PRMT3: variants seen among roughly 807,000 people sequenced by gnomAD.
PRMT3 encodes the protein protein arginine N-methyltransferase 3.
Under a neutral mutation model 71.9 loss-of-function variants are expected in PRMT3, and 62 were observed. The ratio of observed to expected loss-of-function variants is 0.86; its 90% CI spans 0.70 to 1.07. The LOEUF (loss-of-function observed/expected upper bound fraction) is 1.07, where lower values mean the gene tolerates loss of function less well. Among genes scored for constraint, PRMT3 ranks in the 50% least tolerant of loss-of-function variants. The pLI is 0.00. For synonymous variants in PRMT3, 213 were observed against 220.4 expected (o/e 0.97, Z 0.30); for missense variants, 663 against 643.0 (o/e 1.03, Z -0.34).
chr11:20,393,073 T>G (rs1308979925), intron 5 of PRMT3, 74 bp downstream of exon 5: 7 of 918,712 alleles, frequency 7.6e-6, no homozygotes, highest in Non-Finnish European at 1.0e-5. Context: ...AGGTAGAGTG[T>G]TTTAGGAAAA....
intron 13 of PRMT3, among the ~76,000 whole-genome samples, chr11:20,478,561 A>ATGAT (rs975885121): frequency 6.6e-6 from 1 of 152,014 alleles, no homozygotes; most frequent in African/African-American, 2.4e-5. Context: ...TACTTGATAA[A>ATGAT]TGATAGAGAT....
chr11:20,397,548 C>T, intron 6 of PRMT3, 29 bp from the exon 7 acceptor site: 1 of 1,611,864 alleles, frequency 6.2e-7, no homozygotes, highest in Non-Finnish European at 8.5e-7. Flanking sequence ...ATAAACCTGT[C>T]TCAAGGGTGT....
intron 15 of PRMT3, among the ~76,000 whole-genome samples, chr11:20,505,822 A>C (rs998383551): frequency 6.6e-6 from 1 of 151,660 alleles, no homozygotes. Flanking sequence ...AGTTACATCA[A>C]CTTACATATC....
At chr11:20,442,362 T>C (rs1200787626) in intron 10 of PRMT3, among the ~76,000 whole-genome samples, 1 of 152,094 alleles carries the variant, frequency 6.6e-6, no homozygotes, top group Non-Finnish European at 1.5e-5. Flanking sequence ...GTTTTAGTTA[T>C]GCAAAAAATT....
intron 10 of PRMT3, among the ~76,000 whole-genome samples, chr11:20,441,981 C>T (rs1432796566): frequency 4.6e-5 from 7 of 151,942 alleles, no homozygotes; most frequent in Non-Finnish European, 8.8e-5. Flanking sequence ...TTAGTAGAGA[C>T]GGGGTTTCGC....
chr11:20,421,573 A>C (rs77879719), intron 9 of PRMT3, among the ~76,000 whole-genome samples: 1 of 152,188 alleles, frequency 6.6e-6, no homozygotes, highest in Non-Finnish European at 1.5e-5. Flanking sequence ...GCAAAGAATA[A>C]GTCTCCAAAA....
chr11:20,435,843 G>A lies in PRMT3; in HGVS notation c.993+8978G>A, dbSNP rs573590589. On this transcript the variant is annotated intron_variant, in intron 10 of 15. Coordinates refer to ENST00000331079, the MANE Select transcript of PRMT3 (RefSeq NM_005788.4). ...TTTTGTGGTTTCATGCAAGTTTTAGGGTTGTTTATTTCTACGAAGAATGTC... is the reference window on the plus strand; with the variant it reads ...TTTTGTGGTTTCATGCAAGTTTTAGAGTTGTTTATTTCTACGAAGAATGTC... 3.3e-5 allele frequency among the ~76,000 whole-genome samples: 5 copies of A among 152,150 alleles called. No individual in the cohort carries two copies. In the East Asian group the frequency reaches 9.7e-4, roughly 29 times the overall value.
At chr11:20,422,693 A>T (rs1251771222) in intron 9 of PRMT3, among the ~76,000 whole-genome samples, 1 of 152,180 alleles carries the variant, frequency 6.6e-6, no homozygotes, top group Middle Eastern at 3.2e-3. Flanking sequence ...GACTAAAAAA[A>T]TTATTTAGGC....
At chr11:20,476,043 A>C (rs1850774403) in intron 13 of PRMT3, among the ~76,000 whole-genome samples, 1 of 152,044 alleles carries the variant, frequency 6.6e-6, no homozygotes, top group Admixed American at 6.6e-5. Context: ...TCTATAAAGC[A>C]GGCACATAAA....
chr11:20,507,943 C>T (rs1365733936), intron 15 of PRMT3, among the ~76,000 whole-genome samples: 3 of 151,926 alleles, frequency 2.0e-5, no homozygotes, highest in Non-Finnish European at 4.4e-5. Flanking sequence ...CCCATCTCTA[C>T]TAAAAATAAA....
intron 8 of PRMT3, chr11:20,407,029 G>A (rs1374844353): frequency 6.6e-6 from 1 of 151,952 alleles, no homozygotes; most frequent in Non-Finnish European, 1.5e-5. Context: ...ATACATATGC[G>A]AGCACAATTA....
chr11:20,404,206 T>A (rs1849012951), intron 8 of PRMT3, among the ~76,000 whole-genome samples: 1 of 142,190 alleles, frequency 7.0e-6, no homozygotes, highest in African/African-American at 2.6e-5. Context: ...TGGAGACTTT[T>A]CATAGTTTTT....
At chr11:20,418,398 T>A (rs190301275) in intron 9 of PRMT3, among the ~76,000 whole-genome samples, 176 of 152,348 alleles carry the variant, frequency 1.2e-3, no homozygotes, top group Non-Finnish European at 2.0e-3. Flanking sequence ...GTGTCAGTGA[T>A]ATCTGTTTTA....
At chr11:20,488,011 C>T (rs1004375491) in intron 13 of PRMT3, among the ~76,000 whole-genome samples, 3 of 152,010 alleles carry the variant, frequency 2.0e-5, no homozygotes, top group East Asian at 1.9e-4. Flanking sequence ...TCCCATATTG[C>T]TTTGTCTATT....
At chr11:20,427,559 T>C (rs973154908) in intron 10 of PRMT3, among the ~76,000 whole-genome samples, 20 of 152,092 alleles carry the variant, frequency 1.3e-4, no homozygotes, top group African/African-American at 4.6e-4. Context: ...ACCCCATCTC[T>C]ACTAAAAATA....
chr11:20,506,396 A>G (rs1851591350), intron 15 of PRMT3, among the ~76,000 whole-genome samples: 2 of 151,768 alleles, frequency 1.3e-5, no homozygotes, highest in Admixed American at 6.6e-5. Context: ...ATATATACGT[A>G]CACAAAAATT....
chr11:20,461,793 G>A (rs926465588), intron 11 of PRMT3, among the ~76,000 whole-genome samples, 187 bp from the exon 12 acceptor site: 1 of 152,050 alleles, frequency 6.6e-6, no homozygotes, highest in Non-Finnish European at 1.5e-5. Flanking sequence ...TCATGATAAT[G>A]CGTATCTGTT....
At chr11:20,483,701 A>G (rs145559298) in intron 13 of PRMT3, among the ~76,000 whole-genome samples, 167 of 152,322 alleles carry the variant, frequency 1.1e-3, no homozygotes, top group African/African-American at 3.9e-3. Flanking sequence ...ATTTAGAAGG[A>G]GAGGCCAACA....
At chr11:20,498,612 C>G (rs1851387652) in intron 15 of PRMT3, among the ~76,000 whole-genome samples, 1 of 152,144 alleles carries the variant, frequency 6.6e-6, no homozygotes, top group Non-Finnish European at 1.5e-5. Context: ...CACCTGTAAT[C>G]CCGGCTATTC....
Sources: allele counts gnomAD v4.1 joint callset (sites outside exome capture counted in the v4.1 genomes callset), GRCh38; gene constraint gnomAD v4.1.1; transcripts MANE v1.5; gene names NCBI Gene and HGNC (gene_info 2026-07-23, HGNC 2026-07-21).